CACNA2D2: variants seen among roughly 807,000 people sequenced by gnomAD.
CACNA2D2 encodes the protein voltage-dependent calcium channel subunit alpha-2/delta-2.
CACNA2D2 carries 48 observed loss-of-function variants against 166.4 expected under a neutral mutation model. The ratio of observed to expected loss-of-function variants is 0.29; its 90% confidence interval spans 0.23 to 0.37. The LOEUF (loss-of-function observed/expected upper bound fraction) is 0.37. Ranked by LOEUF, CACNA2D2 falls within the 10% of genes least tolerant of loss-of-function variation. The probability of loss-of-function intolerance (pLI) is 1.00; values close to 1 mark genes in which losing one functional copy is unlikely to be tolerated. For synonymous variants in CACNA2D2, 561 were observed against 573.7 expected, an observed-to-expected ratio of 0.98 and a Z score of 0.32; for missense variants, 1,122 against 1,433.0, an observed-to-expected ratio of 0.78 and a Z score of 3.50.
intron 1 of CACNA2D2, among the ~76,000 whole-genome samples, chr3:50,487,813 A>G (rs1218783092): frequency 6.6e-6 from 1 of 152,114 alleles, no homozygotes; most frequent in Non-Finnish European, 1.5e-5. Flanking sequence ...CTTTCTGTAA[A>G]TTCCCAACTA....
At chr3:50,424,533 G>A (rs367800829) in intron 3 of CACNA2D2, among the ~76,000 whole-genome samples, 3 of 152,232 alleles carry the variant, frequency 2.0e-5, no homozygotes, top group East Asian at 3.9e-4. Context: ...CTCCTCCCAG[G>A]TCCCCTAGGC....
intron 2 of CACNA2D2, among the ~76,000 whole-genome samples, chr3:50,442,255 C>T (rs1708633389): frequency 6.6e-6 from 1 of 152,154 alleles, no homozygotes; most frequent in South Asian, 2.1e-4. Flanking sequence ...GGGGCACACT[C>T]CAGTGTCCCC....
chr3:50,459,628 G>A (rs1266941049), intron 2 of CACNA2D2, among the ~76,000 whole-genome samples: 1 of 152,164 alleles, frequency 6.6e-6, no homozygotes, highest in African/African-American at 2.4e-5. Context: ...TGGAGCCAAG[G>A]GACCTAGGTG....
intron 1 of CACNA2D2, among the ~76,000 whole-genome samples, chr3:50,499,656 A>G (rs1408569326): frequency 6.6e-6 from 1 of 152,230 alleles, no homozygotes; most frequent in Non-Finnish European, 1.5e-5. Flanking sequence ...CACAGGCAGG[A>G]GGAGAAGGGG....
At chr3:50,373,174 G>A (rs1704750338) in intron 22 of CACNA2D2, 1 of 911,464 alleles carries the variant, frequency 1.1e-6, no homozygotes, top group Non-Finnish European at 1.7e-6. Flanking sequence ...AAGGGGAGGG[G>A]CACAAACAAT....
chr3:50,398,987 G>C (rs1340305672), intron 3 of CACNA2D2, among the ~76,000 whole-genome samples: 1 of 152,232 alleles, frequency 6.6e-6, no homozygotes, highest in Non-Finnish European at 1.5e-5. Context: ...AATTGCAGTG[G>C]GAGCTGAGGC....
At chr3:50,460,548 C>A (rs771765974) in intron 2 of CACNA2D2, among the ~76,000 whole-genome samples, 2 of 151,934 alleles carry the variant, frequency 1.3e-5, no homozygotes, top group Admixed American at 6.6e-5. Flanking sequence ...GAAACAAGAA[C>A]AAGATATTAT....
intron 2 of CACNA2D2, among the ~76,000 whole-genome samples, chr3:50,446,287 G>A (rs1003730429): frequency 2.6e-5 from 4 of 152,178 alleles, no homozygotes; most frequent in Non-Finnish European, 4.4e-5. Flanking sequence ...CCTCCACACC[G>A]GCCATCCATT....
At chr3:50,368,773 T>C (rs958480674) in intron 23 of CACNA2D2, among the ~76,000 whole-genome samples, 1 of 152,238 alleles carries the variant, frequency 6.6e-6, no homozygotes, top group Non-Finnish European at 1.5e-5. Context: ...GTCCTCCGAC[T>C]GGCTGTTCCC....
At chr3:50,451,007 CTCAAA>C (rs1198385842) in intron 2 of CACNA2D2, among the ~76,000 whole-genome samples, 3 of 152,300 alleles carry the variant, frequency 2.0e-5, no homozygotes, top group Non-Finnish European at 4.4e-5. Flanking sequence ...CTACAGAGGC[CTCAAA>C]AGTGACCAGT....
chr3:50,381,322 C>A (rs1285788750), intron 6 of CACNA2D2, among the ~76,000 whole-genome samples, 196 bp from the exon 7 acceptor site: 1 of 152,190 alleles, frequency 6.6e-6, no homozygotes, highest in East Asian at 1.9e-4. Flanking sequence ...CTCACCCCTC[C>A]CAAGCTGTGA....
At position 50,437,858 on chromosome 3, in the gene CACNA2D2, C is replaced by T. The variant is rs971268458; in HGVS notation, c.289-3429G>A. Among the ~76,000 whole-genome samples, 3 of 152,324 alleles carry T rather than the reference C, an allele frequency of 2.0e-5. No individual in the cohort carries two copies. The South Asian group carries it at 6.2e-4, about 32-fold the overall frequency. On this transcript the variant is annotated intron_variant, in intron 2 of 37. Transcript: ENST00000424201. ...CCAGGGTGCACCGGATGCAGAGCCT[C>T]AACCACCACAGCAGGATGGCAATGC...
intron 16 of CACNA2D2, 41 bp downstream of exon 16, chr3:50,377,691 C>A: frequency 6.3e-7 from 1 of 1,590,752 alleles, no homozygotes; most frequent in Non-Finnish European, 8.6e-7. Flanking sequence ...GCCCATTCCT[C>A]CCCAGGCACA....
intron 2 of CACNA2D2, among the ~76,000 whole-genome samples, chr3:50,444,758 C>T (rs983695691): frequency 2.6e-5 from 4 of 152,188 alleles, no homozygotes; most frequent in Non-Finnish European, 5.9e-5. Context: ...CTTAGCATGG[C>T]AGGTGTGGGA....
intron 1 of CACNA2D2, among the ~76,000 whole-genome samples, chr3:50,476,416 G>A (rs1370090615): frequency 6.6e-6 from 1 of 152,268 alleles, no homozygotes; most frequent in East Asian, 1.9e-4. Context: ...GGGGTGGCGA[G>A]GAGGAGAGAG....
chr3:50,402,791 T>C (rs1349188192), intron 3 of CACNA2D2, among the ~76,000 whole-genome samples: 1 of 152,236 alleles, frequency 6.6e-6, no homozygotes, highest in African/African-American at 2.4e-5. Context: ...TTTGTGTCAG[T>C]TTCCCTCCCC....
rs1704413248 is a variant in CACNA2D2, at chr3:50,367,719, G to C, written c.2235-15C>G. On this transcript the variant is annotated splice_polypyrimidine_tract_variant and intron_variant, in intron 25 of 37. Coordinates refer to ENST00000424201, the MANE Select transcript of CACNA2D2 (RefSeq NM_006030.4). This position sits in a 1 kb window ranked among gnomAD's most constrained non-coding sequence, Gnocchi z 6.5. The stretch of plus-strand genomic sequence containing the variant: ...GTAGGCTGTACCTGGGGGTAGCAGG[G>C]GGGTGGGGTCACAGGCCTGCCTTCT... 5 of 1,612,322 alleles carry C rather than the reference G, an allele frequency of 3.1e-6. No individual in the cohort carries two copies. The highest frequency in any genetic ancestry group is 4.2e-6 in the Non-Finnish European group (5 of 1,178,934).
At chr3:50,473,610 C>T (rs945413570) in intron 2 of CACNA2D2, among the ~76,000 whole-genome samples, 6 of 152,346 alleles carry the variant, frequency 3.9e-5, no homozygotes, top group Middle Eastern at 3.4e-3. Flanking sequence ...TCCTCCTGAC[C>T]TATCAGAGCC....
chr3:50,479,347 G>C (rs1008709019), intron 1 of CACNA2D2, among the ~76,000 whole-genome samples: 1 of 152,190 alleles, frequency 6.6e-6, no homozygotes, highest in African/African-American at 2.4e-5. Context: ...TGGACCTGCT[G>C]GGCAGACCCC....
Sources: gnomAD v4.1 joint callset for allele counts (sites outside exome capture counted in the v4.1 genomes callset) on GRCh38, gnomAD v4.1.1 for gene constraint, Gnocchi (gnomAD v3.1) non-coding constraint, MANE v1.5 for transcripts, NCBI Gene and HGNC (gene_info 2026-07-23, HGNC 2026-07-21) for gene names.